Variants in ADARB2 observed in about 807,000 individuals in gnomAD.
The protein encoded by ADARB2 is adenosine deaminase RNA specific B2 (inactive).
Under a neutral mutation model 62.2 loss-of-function variants are expected in ADARB2, and 25 were observed. That is an observed-to-expected ratio of 0.40 (90% confidence interval 0.29 to 0.56). The LOEUF is 0.56. Among genes scored for constraint, ADARB2 ranks in the 20% least tolerant of loss-of-function variants. The pLI, the probability that ADARB2 is intolerant of heterozygous loss-of-function variation, is 0.43. For missense variants in ADARB2, 1,071 were observed against 1,077.4 expected (o/e 0.99, Z 0.08); for synonymous variants, 572 against 500.8 (o/e 1.14, Z -1.90).
At chr10:1,356,187 GTTTTTC>G (rs1832193389) in intron 3 of ADARB2, among the ~76,000 whole-genome samples, 1 of 152,196 alleles carries the variant, frequency 6.6e-6, no homozygotes, top group Non-Finnish European at 1.5e-5. Flanking sequence ...CTGCAGGACT[GTTTTTC>G]CTTCCCTAAA....
chr10:1,576,139 GAGGGGGGT>G (rs1833016666), intron 1 of ADARB2, among the ~76,000 whole-genome samples: 1 of 127,562 alleles, frequency 7.8e-6, no homozygotes, highest in Non-Finnish European at 1.7e-5. Context: ...AGGGTCACAA[GAGGGGGGT>G]CCACGGTCAC....
chr10:1,301,676 C>G (rs1183053771), intron 3 of ADARB2, among the ~76,000 whole-genome samples: 2 of 152,168 alleles, frequency 1.3e-5, no homozygotes, highest in African/African-American at 4.8e-5. Flanking sequence ...GACCAGGCAT[C>G]CCTGAGAAAT....
chr10:1,655,437 T>C (rs1362922324), intron 1 of ADARB2, among the ~76,000 whole-genome samples: 1 of 152,228 alleles, frequency 6.6e-6, no homozygotes, highest in African/African-American at 2.4e-5. Flanking sequence ...CTGCAAGGCT[T>C]GTCGGGTCCA....
intron 1 of ADARB2, among the ~76,000 whole-genome samples, chr10:1,653,335 A>G (rs1391146815): frequency 6.6e-6 from 1 of 152,160 alleles, no homozygotes; most frequent in Non-Finnish European, 1.5e-5. Context: ...TGAGACACAG[A>G]AAGAACCTCC....
rs56679522 is a variant in ADARB2 at position 1,273,246 on chromosome 10, A to G, written c.1078-2177T>C. ...CTCTTTCAATGCATGCTGTCAAGGG[A>G]GAGCGTGATTCTTAATTTTTTTATT... On this transcript the variant is annotated intron_variant, in intron 3 of 9. Transcript: ENST00000381312. Among the ~76,000 whole-genome samples, 793 of 152,300 alleles carry G rather than the reference A, an allele frequency of 5.2e-3. 10 individuals are homozygous for G. Among genetic ancestry groups the G allele is most frequent in the African/African-American group, 0.018 (747 of 41,560 alleles).
intron 6 of ADARB2, among the ~76,000 whole-genome samples, chr10:1,219,727 G>T (rs1830665382): frequency 6.6e-6 from 1 of 151,816 alleles, no homozygotes; most frequent in Non-Finnish European, 1.5e-5. Context: ...GTTAATGGAG[G>T]TGATGGTGAT....
At chr10:1,581,710 T>C (rs184934968) in intron 1 of ADARB2, among the ~76,000 whole-genome samples, 4 of 152,308 alleles carry the variant, frequency 2.6e-5, no homozygotes, top group South Asian at 4.2e-4. Flanking sequence ...AGAGAATGTA[T>C]ACACAGCACA....
At chr10:1,670,138 T>G (rs943762005) in intron 1 of ADARB2, among the ~76,000 whole-genome samples, 21 of 152,242 alleles carry the variant, frequency 1.4e-4, no homozygotes, top group Admixed American at 4.6e-4. Context: ...TTTTGAATAT[T>G]TGGAAAGATA....
chr10:1,267,909 G>A (rs1214995243), intron 4 of ADARB2, among the ~76,000 whole-genome samples: 2 of 152,140 alleles, frequency 1.3e-5, no homozygotes, highest in Non-Finnish European at 2.9e-5. Context: ...AGACAAAGTA[G>A]AGAAGACTTA....
At chr10:1,244,424 C>T (rs1309060586) in intron 4 of ADARB2, among the ~76,000 whole-genome samples, 2 of 152,184 alleles carry the variant, frequency 1.3e-5, no homozygotes, top group East Asian at 1.9e-4. Flanking sequence ...GCCTGTGAGG[C>T]CCCGGCCTGC....
intron 3 of ADARB2, among the ~76,000 whole-genome samples, chr10:1,315,894 C>G (rs1045878852): frequency 5.3e-5 from 8 of 152,224 alleles, no homozygotes; most frequent in Non-Finnish European, 1.0e-4. Flanking sequence ...TGAATACATT[C>G]ATTTTCAAAC....
chr10:1,531,162 C>T (rs905435425), intron 1 of ADARB2, among the ~76,000 whole-genome samples: 1 of 152,232 alleles, frequency 6.6e-6, no homozygotes, highest in Admixed American at 6.5e-5. Flanking sequence ...GTGCCTCCCC[C>T]TCTACTATGT....
At chr10:1,540,761 CCATCCAGACCCCACTCAGA>C (rs2131968287) in intron 1 of ADARB2, among the ~76,000 whole-genome samples, 5 of 59,558 alleles carry the variant, frequency 8.4e-5, no homozygotes, top group Admixed American at 4.0e-4. Context: ...TGGATCACAG[CCATCCAGACCCCACTCAGA>C]TGTAGTTCAG....
At chr10:1,544,865 G>C (rs192378397) in intron 1 of ADARB2, among the ~76,000 whole-genome samples, 30 of 151,380 alleles carry the variant, frequency 2.0e-4, no homozygotes, top group Non-Finnish European at 2.1e-4. Context: ...AAATACGTAT[G>C]GTCTATATAA....
chr10:1,281,652 C>T (rs1369023970), intron 3 of ADARB2, among the ~76,000 whole-genome samples: 1 of 152,168 alleles, frequency 6.6e-6, no homozygotes. Flanking sequence ...CCCAGAGTGC[C>T]CCAGCATCCT....
intron 3 of ADARB2, among the ~76,000 whole-genome samples, chr10:1,306,687 GCATGGTACTGGTACCA>G (rs1831632996): frequency 4.0e-5 from 4 of 99,122 alleles, no homozygotes; most frequent in Admixed American, 1.2e-4. Flanking sequence ...AACCAAAACA[GCATGGTACTGGTACCA>G]AAACAGCATG....
intron 1 of ADARB2, among the ~76,000 whole-genome samples, chr10:1,391,262 A>ACTG (rs1161009837): frequency 6.8e-6 from 1 of 146,638 alleles, no homozygotes; most frequent in Non-Finnish European, 1.5e-5. Context: ...GTCTGGGAAG[A>ACTG]CTGTGACCCC....
chr10:1,379,736 G>C lies in ADARB2; in HGVS notation c.101-576C>G, dbSNP rs548410571. On this transcript the variant is annotated intron_variant, in intron 1 of 9. Coordinates refer to ENST00000381312, the MANE Select transcript of ADARB2 (RefSeq NM_018702.4). ...ACAGTCCTCCCGGAAACGGCCAAGC[G>C]TCCTCAACGCGGTGGCTGGAATTCC... Among the ~76,000 whole-genome samples, 3 of 152,302 alleles carry C rather than the reference G, an allele frequency of 2.0e-5. No individual in the cohort carries two copies. The South Asian group carries it at 6.2e-4, about 32-fold the overall frequency.
chr10:1,259,989 G>C (rs138304544), intron 4 of ADARB2, among the ~76,000 whole-genome samples: 1 of 152,150 alleles, frequency 6.6e-6, no homozygotes, highest in Non-Finnish European at 1.5e-5. Flanking sequence ...TGCAAGGCTG[G>C]TTCAACATAC....
Sources: gnomAD v4.1 joint callset for allele counts (sites outside exome capture counted in the v4.1 genomes callset) on GRCh38, gnomAD v4.1.1 for gene constraint, MANE v1.5 for transcripts, NCBI Gene and HGNC (gene_info 2026-07-23, HGNC 2026-07-21) for gene names.